The following GK5 variants were observed in gnomAD, a reference collection of about 807,000 sequenced individuals.
GK5 encodes ATP:glycerol 3-phosphotransferase 5.
GK5 carries 39 observed loss-of-function variants against 77.3 expected under a neutral mutation model. The observed-to-expected ratio is 0.50, with a 90% CI of 0.39 to 0.66. The LOEUF (loss-of-function observed/expected upper bound fraction) is 0.66. Among genes scored for constraint, GK5 ranks in the 30% least tolerant of loss-of-function variants. GK5 has a pLI of 0.00. For missense variants in GK5, 487 were observed against 633.8 expected, an observed-to-expected ratio of 0.77 and a Z score of 2.49; for synonymous variants, 211 against 208.0, an observed-to-expected ratio of 1.01 and a Z score of -0.13.
Position 142,187,713 on chromosome 3 carries a change from G to A in GK5, c.610C>T (p.Leu204Phe). 6.2e-7 allele frequency: 1 copy of A among 1,607,310 alleles called. No individual in the cohort carries two copies. Among genetic ancestry groups the A allele is most frequent in the Non-Finnish European group, 8.5e-7 (1 of 1,175,718 alleles). Residue 204 changes from leucine to phenylalanine, a missense_variant, in exon 6 of 16, where the codon CTC becomes TTC. Physicochemically the swap from Leu to Phe is conservative, Grantham distance 22. Around this residue, in one of 4 missense-constraint regions of GK5, gnomAD observed 323 missense variants for 437.4 expected, o/e 0.74. Coordinates refer to ENST00000392993, the MANE Select transcript of GK5 (RefSeq NM_001039547.3). ...TTCAGGTCATCTTTACCTTTTGTGAGCTTATATAACAACCAGGTATCAATA... is the reference window on the plus strand; with the variant it reads ...TTCAGGTCATCTTTACCTTTTGTGAACTTATATAACAACCAGGTATCAATA... ...GTIDTWLLYK[L>F]TKGSVYATDF... is the part of the protein sequence containing the mutation.
intron 12 of GK5, among the ~76,000 whole-genome samples, chr3:142,177,242 A>G (rs892379344): frequency 3.9e-5 from 6 of 152,202 alleles, no homozygotes; most frequent in African/African-American, 1.4e-4. Flanking sequence ...AGTTCTAAGC[A>G]GAAGTCAGCT....
intron 1 of GK5, among the ~76,000 whole-genome samples, chr3:142,222,941 T>C (rs1239996441): frequency 6.6e-6 from 1 of 152,240 alleles, no homozygotes; most frequent in Non-Finnish European, 1.5e-5. Context: ...AACTACACTT[T>C]AAGCAGTACT....
chr3:142,209,963 T>G (rs1019860482), intron 3 of GK5, among the ~76,000 whole-genome samples: 1 of 151,200 alleles, frequency 6.6e-6, no homozygotes, highest in Non-Finnish European at 1.5e-5. Flanking sequence ...TTTTTTTTTT[T>G]AGAACAAAAG....
chr3:142,204,616 G>A (rs138514177), intron 4 of GK5, 79 bp downstream of exon 4: 1 of 846,884 alleles, frequency 1.2e-6, no homozygotes, highest in Non-Finnish European at 2.1e-6. Flanking sequence ...AAACAAAATA[G>A]GTAGGAAATA....
chr3:142,186,364 A>G (rs2063770117), intron 7 of GK5, 88 bp downstream of exon 7: 1 of 990,176 alleles, frequency 1.0e-6, no homozygotes, highest in African/African-American at 1.7e-5. Flanking sequence ...TATATTTGTC[A>G]ATTAAAAATA....
intron 14 of GK5, among the ~76,000 whole-genome samples, chr3:142,170,961 G>A (rs752036139): frequency 2.0e-5 from 3 of 152,122 alleles, no homozygotes; most frequent in African/African-American, 4.8e-5. Context: ...GGGCGCGTTG[G>A]CTCACACCTG....
At chr3:142,173,116 G>C in intron 12 of GK5, 4 of 396,298 alleles carry the variant, frequency 1.0e-5, no homozygotes, top group South Asian at 7.5e-5. Flanking sequence ...TGGAAGGATT[G>C]CTTGTGCCCA....
At chr3:142,204,526 C>G (rs188999490) in intron 4 of GK5, 169 bp downstream of exon 4, 670 of 676,600 alleles carry the variant, frequency 9.9e-4, no homozygotes, top group Admixed American at 1.6e-3. Flanking sequence ...GTACTGAAGT[C>G]TACCACATAC....
chr3:142,213,502 G>A, intron 3 of GK5, 24 bp downstream of exon 3: 1 of 1,375,890 alleles, frequency 7.3e-7, no homozygotes, highest in Non-Finnish European at 1.0e-6. Flanking sequence ...CAGCAGTAGG[G>A]TGCTTATCAC....
intron 1 of GK5, among the ~76,000 whole-genome samples, chr3:142,219,754 T>C (rs960286725): frequency 1.3e-5 from 2 of 152,186 alleles, no homozygotes; most frequent in Non-Finnish European, 2.9e-5. Flanking sequence ...GGTAGGAGAA[T>C]TGCTTGAGCC....
intron 9 of GK5, 114 bp from the exon 10 acceptor site, chr3:142,183,163 T>A: frequency 2.1e-6 from 2 of 961,500 alleles, no homozygotes; most frequent in Non-Finnish European, 3.0e-6. Context: ...TTCTTTTTCC[T>A]TTTCCTTAAA....
intron 9 of GK5, chr3:142,185,625 T>G: frequency 1.7e-6 from 2 of 1,156,940 alleles, no homozygotes; most frequent in African/African-American, 1.6e-5. Context: ...AAATGTAAAC[T>G]AAATACCACT....
At chr3:142,181,024 A>G (rs1177821519) in intron 11 of GK5, among the ~76,000 whole-genome samples, 30 of 152,182 alleles carry the variant, frequency 2.0e-4, no homozygotes, top group Non-Finnish European at 4.4e-5. Flanking sequence ...AACTGAACTG[A>G]CACTGGAACC....
intron 11 of GK5, among the ~76,000 whole-genome samples, chr3:142,177,801 G>A (rs964156465): frequency 1.3e-5 from 2 of 151,984 alleles, no homozygotes; most frequent in Admixed American, 1.3e-4. Context: ...AGGGAGACAG[G>A]AGGTAGAAGG....
chr3:142,225,285 G>A, intron 1 of GK5, 24 bp downstream of exon 1: 1 of 1,517,972 alleles, frequency 6.6e-7, no homozygotes, highest in Non-Finnish European at 8.8e-7. Flanking sequence ...TCAGACCCGC[G>A]CCCCACGCCC....
At chr3:142,205,142 A>T (rs377613684) in intron 3 of GK5, among the ~76,000 whole-genome samples, 1 of 152,310 alleles carries the variant, frequency 6.6e-6, no homozygotes, top group East Asian at 1.9e-4. Context: ...CCTGACCTAC[A>T]GAAGAGCTGA....
chr3:142,220,168 C>T (rs1452386287), intron 1 of GK5, among the ~76,000 whole-genome samples: 3 of 152,244 alleles, frequency 2.0e-5, no homozygotes, highest in Middle Eastern at 3.4e-3. Flanking sequence ...GACGGAGTCT[C>T]GCTGTGTTGC....
At chr3:142,202,347 A>G (rs2064038356) in intron 4 of GK5, among the ~76,000 whole-genome samples, 1 of 152,170 alleles carries the variant, frequency 6.6e-6, no homozygotes, top group Non-Finnish European at 1.5e-5. Context: ...CACCTCAATT[A>G]CTTCACCATT....
intron 3 of GK5, among the ~76,000 whole-genome samples, 198 bp from the exon 4 acceptor site, chr3:142,204,986 A>C (rs1040963464): frequency 1.3e-5 from 2 of 152,230 alleles, no homozygotes; most frequent in Non-Finnish European, 2.9e-5. Context: ...ATATAGTATG[A>C]AATGTATATA....
Sources: gnomAD v4.1 joint callset for allele counts (sites outside exome capture counted in the v4.1 genomes callset) on GRCh38, gnomAD v4.1.1 for gene constraint, gnomAD v4.1.1 regional missense constraint, MANE v1.5 for transcripts, NCBI Gene and HGNC (gene_info 2026-07-23, HGNC 2026-07-21) for gene names.